Variants in MAU2 observed in about 807,000 individuals in gnomAD.
MAU2 encodes the protein MAU2 chromatid cohesion factor homolog.
Under a neutral mutation model 89.1 loss-of-function variants are expected in MAU2, and 9 were observed. The observed-to-expected ratio is 0.10, with a 90% CI of 0.06 to 0.18. The LOEUF is 0.18. MAU2 is among the 10% of genes least tolerant of loss of function. MAU2 has a pLI of 1.00. For synonymous variants in MAU2, 357 were observed against 343.4 expected (o/e 1.04, Z -0.44); for missense variants, 425 against 803.5 (o/e 0.53, Z 5.69).
intron 10 of MAU2, 44 bp from the exon 11 acceptor site, chr19:19,344,805 C>A: frequency 6.5e-7 from 1 of 1,541,472 alleles, no homozygotes. Flanking sequence ...GACGCCAGGT[C>A]CCAGGTTGCA....
chr19:19,325,333 G>C (rs1028233330), intron 1 of MAU2, among the ~76,000 whole-genome samples: 1 of 151,530 alleles, frequency 6.6e-6, no homozygotes, highest in Non-Finnish European at 1.5e-5. Flanking sequence ...CCACCACCAC[G>C]CCCAGCTAAT....
At chr19:19,327,838 T>C (rs1191585798) in intron 1 of MAU2, among the ~76,000 whole-genome samples, 2 of 152,096 alleles carry the variant, frequency 1.3e-5, no homozygotes, top group Non-Finnish European at 2.9e-5. Flanking sequence ...AAAGCCTTCC[T>C]TCTCTGAGTA....
chr19:19,344,981 A>G, intron 11 of MAU2, 55 bp downstream of exon 11: 1 of 1,509,902 alleles, frequency 6.6e-7, no homozygotes, highest in Non-Finnish European at 9.2e-7. Flanking sequence ...TCAGTAAGTA[A>G]GTACCTAACC....
chr19:19,328,611 C>T (rs549666667), intron 1 of MAU2, among the ~76,000 whole-genome samples: 11 of 152,034 alleles, frequency 7.2e-5, no homozygotes, highest in South Asian at 2.1e-4. Context: ...TTAGTAGAGA[C>T]GGGGTTTCAC....
intron 4 of MAU2, among the ~76,000 whole-genome samples, chr19:19,337,659 G>GT (rs948327387): frequency 1.3e-5 from 2 of 152,030 alleles, no homozygotes; most frequent in African/African-American, 4.8e-5. Context: ...CCCACTGTGG[G>GT]TTTTTTTTAG....
intron 1 of MAU2, chr19:19,321,469 T>TG: frequency 3.7e-6 from 1 of 269,218 alleles, no homozygotes; most frequent in East Asian, 8.7e-5. Context: ...TTGGTGGCGA[T>TG]GGGGACATCA....
rs1454188451 is a variant in MAU2, at chr19:19,355,895, TC to T, written c.*115del. 1 of 1,058,576 alleles carries T rather than the reference TC, an allele frequency of 9.4e-7. No individual in the cohort carries two copies. Among genetic ancestry groups the T allele is most frequent in the Non-Finnish European group, 1.4e-6 (1 of 693,844 alleles). 65.6% of individuals were successfully genotyped at this position (1,058,576 alleles called of 1,614,324 possible). ...TTCCTTCCTGATTGTCTCTAGAGCT[TC>T]CAAGTCCTGGGAATGTGCGGGGCCA... On this transcript the variant is annotated 3_prime_UTR_variant, in exon 19 of 19. Coordinates refer to ENST00000262815, the MANE Select transcript of MAU2 (RefSeq NM_015329.4).
rs536236724 is a variant in MAU2, at chr19:19,322,869, A to C, written c.276+1734A>C. 2.6e-5 allele frequency among the ~76,000 whole-genome samples: 4 copies of C among 152,212 alleles called. No individual in the cohort carries two copies. The East Asian group carries it at 7.7e-4, about 29-fold the overall frequency. Reference sequence around the variant, plus strand: ...TTTCACAGACTGAAAAGTTGGAAGGAGACTTTATTTTATTTTATTTTATTT... The same window carrying C: ...TTTCACAGACTGAAAAGTTGGAAGGCGACTTTATTTTATTTTATTTTATTT... On this transcript the variant is annotated intron_variant, in intron 1 of 18. Transcript: ENST00000262815.
At chr19:19,322,839 C>A (rs1242036848) in intron 1 of MAU2, among the ~76,000 whole-genome samples, 1 of 152,110 alleles carries the variant, frequency 6.6e-6, no homozygotes, top group Non-Finnish European at 1.5e-5. Context: ...TAGATCAAAT[C>A]TTTGTTTCAC....
At chr19:19,328,760 A>G (rs1335380709) in intron 1 of MAU2, among the ~76,000 whole-genome samples, 1 of 152,036 alleles carries the variant, frequency 6.6e-6, no homozygotes, top group African/African-American at 2.4e-5. Context: ...AGTCCCTTTT[A>G]TCCCTTGGCC....
chr19:19,337,449 C>T (rs537120330), intron 4 of MAU2, among the ~76,000 whole-genome samples, 184 bp downstream of exon 4: 3 of 152,388 alleles, frequency 2.0e-5, no homozygotes, highest in South Asian at 2.1e-4. Flanking sequence ...AGCCTCCATC[C>T]TTGAGAGCAT....
rs996496122 is a variant in MAU2 at position 19,356,184 on chromosome 19, C to T, written c.*402C>T. ...CTCTCCATCACCCAGGCCTTGATGCCGAGCGGGAGTAGAGTGTTTCCTCTG... is the reference window on the plus strand; with the variant it reads ...CTCTCCATCACCCAGGCCTTGATGCTGAGCGGGAGTAGAGTGTTTCCTCTG... On this transcript the variant is annotated 3_prime_UTR_variant, in exon 19 of 19. Transcript: ENST00000262815. The T allele has an allele frequency of 1.5e-5, 6 of 392,666 alleles. No individual in the cohort carries two copies. The highest frequency in any genetic ancestry group is 2.1e-5 in the African/African-American group (1 of 48,550). The allele number at this position is 392,666 out of a possible 1,614,324, so 24.3% of individuals were successfully genotyped here.
intron 1 of MAU2, among the ~76,000 whole-genome samples, chr19:19,324,470 T>A (rs1331975913): frequency 6.6e-6 from 1 of 152,098 alleles, no homozygotes; most frequent in Non-Finnish European, 1.5e-5. Flanking sequence ...CTCTCCTTTC[T>A]CTCCATGAAC....
At chr19:19,344,174 G>A in intron 10 of MAU2, 1 of 493,426 alleles carries the variant, frequency 2.0e-6, no homozygotes, top group African/African-American at 2.0e-5. Flanking sequence ...CAGTTTGGGA[G>A]GCCGAGGCGG....
chr19:19,326,339 GC>G (rs1431703201), intron 1 of MAU2, among the ~76,000 whole-genome samples: 1 of 151,852 alleles, frequency 6.6e-6, no homozygotes, highest in Non-Finnish European at 1.5e-5. Context: ...GATTGCTTAA[GC>G]CCAGGAGTTC....
chr19:19,338,982 G>A (rs767397209), intron 5 of MAU2, 43 bp downstream of exon 5: 3 of 1,506,942 alleles, frequency 2.0e-6, no homozygotes, highest in Admixed American at 3.9e-5. Flanking sequence ...CTGTTAACAG[G>A]AGGGGCTTGG....
At chr19:19,343,358 T>G (rs1342390808) in intron 9 of MAU2, among the ~76,000 whole-genome samples, 1 of 152,166 alleles carries the variant, frequency 6.6e-6, no homozygotes, top group Admixed American at 6.5e-5. Flanking sequence ...TGAGTGCTGC[T>G]GGGGGAGAAG....
intron 1 of MAU2, among the ~76,000 whole-genome samples, chr19:19,329,280 G>C (rs896071938): frequency 6.6e-6 from 1 of 152,136 alleles, no homozygotes; most frequent in Non-Finnish European, 1.5e-5. Flanking sequence ...AGTGATCTGT[G>C]CTTCCTCCTG....
intron 7 of MAU2, among the ~76,000 whole-genome samples, 176 bp from the exon 8 acceptor site, chr19:19,342,359 C>G (rs920911273): frequency 7.9e-5 from 12 of 152,178 alleles, no homozygotes; most frequent in Admixed American, 7.9e-4. Context: ...CCCCATGCCC[C>G]AAAAGCCTGG....
Sources: allele counts gnomAD v4.1 joint callset (sites outside exome capture counted in the v4.1 genomes callset), GRCh38; gene constraint gnomAD v4.1.1; transcripts MANE v1.5; gene names NCBI Gene and HGNC (gene_info 2026-07-23, HGNC 2026-07-21).